Variants in MGAT4C observed in about 807,000 individuals in gnomAD.
The protein encoded by MGAT4C is alpha-1,3-mannosyl-glycoprotein 4-beta-N-acetylglucosaminyltransferase C.
Under a neutral mutation model 40.1 loss-of-function variants are expected in MGAT4C, and 19 were observed. The observed-to-expected ratio is 0.47, with a 90% CI of 0.33 to 0.70. The LOEUF (loss-of-function observed/expected upper bound fraction) is 0.70. MGAT4C is among the 30% of genes least tolerant of loss of function. The pLI, the probability that MGAT4C is intolerant of heterozygous loss-of-function variation, is 0.02. For missense variants in MGAT4C, 491 were observed against 563.2 expected (o/e 0.87, Z 1.30); for synonymous variants, 181 against 187.1 (o/e 0.97, Z 0.27).
At chr12:86,123,529 G>GGATTGTTAGAGGATTGTTAGAATTAATA (rs1879784210) in intron 1 of MGAT4C, among the ~76,000 whole-genome samples, 1 of 151,952 alleles carries the variant, frequency 6.6e-6, no homozygotes. Flanking sequence ...TTGCTATACT[G>GGATTGTTAGAGGATTGTTAGAATTAATA]GAGGATTGTT....
chr12:86,521,017 G>A (rs889882238), intron 2 of MGAT4C, among the ~76,000 whole-genome samples: 2 of 152,100 alleles, frequency 1.3e-5, no homozygotes, highest in Non-Finnish European at 2.9e-5. Context: ...CATCCTGTAG[G>A]TTGTGTGTTC....
intron 1 of MGAT4C, among the ~76,000 whole-genome samples, chr12:86,059,111 T>C (rs1433894742): frequency 1.3e-5 from 2 of 152,164 alleles, no homozygotes; most frequent in Admixed American, 1.3e-4. Flanking sequence ...GTGGCATGAT[T>C]TCAGCTTACT....
At chr12:86,135,128 A>G (rs1339587941) in intron 1 of MGAT4C, among the ~76,000 whole-genome samples, 1 of 152,102 alleles carries the variant, frequency 6.6e-6, no homozygotes, top group South Asian at 2.1e-4. Context: ...ATTTGTGGGT[A>G]GTTAAAAGAA....
At chr12:86,229,124 G>C (rs899785429) in intron 1 of MGAT4C, among the ~76,000 whole-genome samples, 2 of 151,520 alleles carry the variant, frequency 1.3e-5, no homozygotes, top group African/African-American at 4.9e-5. Context: ...TAAATTAGAA[G>C]ACAAATAAAT....
chr12:86,264,920 T>A (rs1452882453), intron 4 of MGAT4C, among the ~76,000 whole-genome samples: 4 of 152,166 alleles, frequency 2.6e-5, no homozygotes, highest in Non-Finnish European at 5.9e-5. Flanking sequence ...CTCTCTGGAT[T>A]TTGGGCACTG....
At chr12:86,742,332 A>G (rs770912207) in intron 1 of MGAT4C, among the ~76,000 whole-genome samples, 5 of 151,510 alleles carry the variant, frequency 3.3e-5, no homozygotes, top group Non-Finnish European at 7.4e-5. Context: ...TTTGTAGAGT[A>G]TACTTCCTTA....
At chr12:86,246,160 A>C (rs1034909765) in intron 1 of MGAT4C, among the ~76,000 whole-genome samples, 1 of 138,048 alleles carries the variant, frequency 7.2e-6, no homozygotes, top group Non-Finnish European at 1.6e-5. Flanking sequence ...GGCCATGAAT[A>C]TCTCCTAGTG....
At chr12:86,588,656 A>G (rs1961176938) in intron 2 of MGAT4C, among the ~76,000 whole-genome samples, 1 of 152,118 alleles carries the variant, frequency 6.6e-6, no homozygotes, top group Non-Finnish European at 1.5e-5. Context: ...TTGGAAGTAA[A>G]GCTCTCCTCA....
chr12:86,823,834 A>G (rs539362838), intron 1 of MGAT4C, among the ~76,000 whole-genome samples: 1 of 151,494 alleles, frequency 6.6e-6, no homozygotes, highest in South Asian at 2.1e-4. Context: ...AAACATAGAT[A>G]AGGAGAGCTA....
intron 1 of MGAT4C, among the ~76,000 whole-genome samples, chr12:86,131,216 T>C (rs529312425): frequency 6.6e-5 from 10 of 152,206 alleles, no homozygotes; most frequent in African/African-American, 2.4e-4. Context: ...TCTTAGTCTA[T>C]TGAAAAATAG....
At chr12:86,104,584 C>A (rs557146861) in intron 1 of MGAT4C, among the ~76,000 whole-genome samples, 11 of 152,216 alleles carry the variant, frequency 7.2e-5, no homozygotes, top group African/African-American at 2.6e-4. Flanking sequence ...AAAAAGATAA[C>A]TTTTGTTTTC....
intron 1 of MGAT4C, among the ~76,000 whole-genome samples, chr12:86,094,627 T>C (rs1873560209): frequency 6.6e-6 from 1 of 152,208 alleles, no homozygotes; most frequent in Non-Finnish European, 1.5e-5. Context: ...CGAAGCCTGC[T>C]GCTCAGATGA....
intron 3 of MGAT4C, among the ~76,000 whole-genome samples, chr12:86,359,449 T>C (rs535810471): frequency 1.7e-4 from 26 of 151,782 alleles, no homozygotes; most frequent in African/African-American, 5.6e-4. Flanking sequence ...ATTCAAAAGC[T>C]AGCAGAAGGC....
intron 1 of MGAT4C, among the ~76,000 whole-genome samples, chr12:86,135,128 A>T (rs1339587941): frequency 2.6e-5 from 4 of 152,102 alleles, no homozygotes; most frequent in Admixed American, 2.6e-4. Flanking sequence ...ATTTGTGGGT[A>T]GTTAAAAGAA....
At chr12:86,166,344 A>T (rs1886186271) in intron 1 of MGAT4C, among the ~76,000 whole-genome samples, 1 of 152,258 alleles carries the variant, frequency 6.6e-6, no homozygotes, top group Non-Finnish European at 1.5e-5. Context: ...AAACAAACAA[A>T]CAACAACAAC....
At chr12:86,037,136 T>C (rs1451422338) in intron 2 of MGAT4C, among the ~76,000 whole-genome samples, 1 of 150,166 alleles carries the variant, frequency 6.7e-6, no homozygotes. Context: ...AGTGGTGATA[T>C]CCCCTCGATC....
At chr12:86,554,049 T>C (rs1959490629) in intron 2 of MGAT4C, among the ~76,000 whole-genome samples, 1 of 152,014 alleles carries the variant, frequency 6.6e-6, no homozygotes, top group Admixed American at 6.6e-5. Flanking sequence ...TTTTTTTTCA[T>C]AGTTTTCAAC....
chr12:86,024,000 T>G (rs1297721255), intron 2 of MGAT4C, among the ~76,000 whole-genome samples: 2 of 151,654 alleles, frequency 1.3e-5, no homozygotes, highest in Non-Finnish European at 3.0e-5. Context: ...ATGTTTAATA[T>G]GTAAAACTTT....
intron 1 of MGAT4C, among the ~76,000 whole-genome samples, chr12:86,080,726 T>C (rs1448012072): frequency 6.6e-6 from 1 of 151,962 alleles, no homozygotes; most frequent in Admixed American, 6.6e-5. Context: ...TCAAAATTAA[T>C]AGGCATGAAA....
Sources: allele counts gnomAD v4.1 joint callset (sites outside exome capture counted in the v4.1 genomes callset), GRCh38; gene constraint gnomAD v4.1.1; transcripts MANE v1.5; gene names NCBI Gene and HGNC (gene_info 2026-07-23, HGNC 2026-07-21).